The following ABCC4 variants were observed in gnomAD, a reference collection of about 807,000 sequenced individuals.
The protein encoded by ABCC4 is ATP-binding cassette sub-family C member 4.
A neutral mutation model predicts 168.5 loss-of-function variants in ABCC4; 102 were observed. That is an observed-to-expected ratio of 0.61 (90% CI 0.52 to 0.71). ABCC4 has a LOEUF of 0.71. ABCC4 is among the 30% of genes least tolerant of loss of function. The pLI is 0.00. For missense variants in ABCC4, 1,402 were observed against 1,605.8 expected, an observed-to-expected ratio of 0.87 and a Z score of 2.17; for synonymous variants, 617 against 590.7, an observed-to-expected ratio of 1.04 and a Z score of -0.65.
At chr13:95,272,804 C>G (rs1261492178) in intron 1 of ABCC4, among the ~76,000 whole-genome samples, 1 of 152,174 alleles carries the variant, frequency 6.6e-6, no homozygotes, top group Non-Finnish European at 1.5e-5. Context: ...AGGGGAATCG[C>G]TTGAACCCGG....
chr13:95,185,149 A>C lies in ABCC4; in HGVS notation c.1545+1552T>G, dbSNP rs118122191. On this transcript the variant is annotated intron_variant, in intron 11 of 30. Coordinates refer to ENST00000645237, the MANE Select transcript of ABCC4 (RefSeq NM_005845.5). Reference sequence around the variant, plus strand: ...AAGCGAGGCTAGCAATATCAGAAAAATAAACAAAATGAGGATAGCAATAGC... The same window carrying C: ...AAGCGAGGCTAGCAATATCAGAAAACTAAACAAAATGAGGATAGCAATAGC... Among the ~76,000 whole-genome samples, 544 of 152,352 alleles carry C rather than the reference A, an allele frequency of 3.6e-3. 1 individual carries two copies. The highest frequency in any genetic ancestry group is 5.8e-3 in the Non-Finnish European group (392 of 68,032).
intron 1 of ABCC4, among the ~76,000 whole-genome samples, chr13:95,259,755 T>C (rs2040482813): frequency 6.6e-6 from 1 of 151,802 alleles, no homozygotes; most frequent in Non-Finnish European, 1.5e-5. Flanking sequence ...TATAAACCCA[T>C]TAGTAAATCC....
At chr13:95,106,015 C>T (rs528695684) in intron 20 of ABCC4, among the ~76,000 whole-genome samples, 5 of 152,270 alleles carry the variant, frequency 3.3e-5, no homozygotes, top group Non-Finnish European at 4.4e-5. Flanking sequence ...CTGGGAATAA[C>T]GTCTCTAAAG....
At chr13:95,152,403 A>G (rs1454478386) in intron 19 of ABCC4, among the ~76,000 whole-genome samples, 1 of 152,210 alleles carries the variant, frequency 6.6e-6, no homozygotes, top group Non-Finnish European at 1.5e-5. Flanking sequence ...CTGTCCAGCC[A>G]ACAAATATTT....
At chr13:95,050,324 TGAAAAACTCACAATGC>T (rs755921151) in intron 27 of ABCC4, among the ~76,000 whole-genome samples, 50 of 152,184 alleles carry the variant, frequency 3.3e-4, no homozygotes, top group Non-Finnish European at 6.6e-4. Context: ...AAACTTGTTG[TGAAAAACTCACAATGC>T]TTCATTTGTT....
chr13:95,041,417 G>T (rs1176686073), intron 29 of ABCC4, among the ~76,000 whole-genome samples: 2 of 152,266 alleles, frequency 1.3e-5, no homozygotes, highest in East Asian at 1.9e-4. Context: ...ATATCTATCC[G>T]TCTTTGTGGA....
intron 4 of ABCC4, among the ~76,000 whole-genome samples, chr13:95,214,884 C>CAAAAAAA (rs60962674): frequency 1.1e-5 from 1 of 88,628 alleles, no homozygotes; most frequent in Admixed American, 1.3e-4. Flanking sequence ...GACTCCAATT[C>CAAAAAAA]AAAAAAAAAA....
At chr13:95,113,581 A>AG (rs1334428364) in intron 20 of ABCC4, among the ~76,000 whole-genome samples, 1 of 148,580 alleles carries the variant, frequency 6.7e-6, no homozygotes. Flanking sequence ...AAAAAAAAAA[A>AG]AAAATTACAT....
intron 26 of ABCC4, 147 bp from the exon 27 acceptor site, chr13:95,053,331 ATATC>A (rs2032919492): frequency 2.9e-6 from 2 of 691,374 alleles, no homozygotes; most frequent in South Asian, 3.7e-5. Context: ...ACAAAACAAC[ATATC>A]TATTAATGTT....
chr13:95,048,446 A>G (rs1383316632), intron 27 of ABCC4, among the ~76,000 whole-genome samples: 1 of 152,242 alleles, frequency 6.6e-6, no homozygotes. Flanking sequence ...GTTTCTTTGA[A>G]CTTTCTGACT....
At chr13:95,159,378 T>A (rs1231019873) in intron 19 of ABCC4, among the ~76,000 whole-genome samples, 1 of 151,912 alleles carries the variant, frequency 6.6e-6, no homozygotes, top group Admixed American at 6.6e-5. Context: ...GGCTTCTATT[T>A]TGTTGAAGGA....
chr13:95,208,765 C>A (rs979401759), intron 6 of ABCC4, among the ~76,000 whole-genome samples: 22 of 151,794 alleles, frequency 1.4e-4, no homozygotes, highest in African/African-American at 4.6e-4. Context: ...GGATTACAGG[C>A]GTGTACCACC....
rs2032495154 is a variant in ABCC4, at chr13:95,044,512, G to T, written c.3457-74C>A. On this transcript the variant is annotated intron_variant, in intron 27 of 30. Transcript: ENST00000645237. Reference sequence around the variant, plus strand: ...AAGTAGTCAAGCCTCATAGACATTAGAACCTTCAAGTCCCTTCTCTCGAGA... The same window carrying T: ...AAGTAGTCAAGCCTCATAGACATTATAACCTTCAAGTCCCTTCTCTCGAGA... The T allele has an allele frequency of 3.8e-6, 5 of 1,330,950 alleles. No individual in the cohort carries two copies. In the South Asian group the frequency reaches 7.8e-5, roughly 21 times the overall value. 82.4% of individuals were successfully genotyped at this position (1,330,950 alleles called of 1,614,324 possible).
intron 20 of ABCC4, among the ~76,000 whole-genome samples, chr13:95,094,494 C>G (rs553820336): frequency 6.6e-6 from 1 of 152,288 alleles, no homozygotes; most frequent in East Asian, 1.9e-4. Flanking sequence ...GGATCCTTAT[C>G]TCTGACCTTA....
intron 30 of ABCC4, among the ~76,000 whole-genome samples, chr13:95,023,782 A>G (rs1481269503): frequency 6.6e-6 from 1 of 152,232 alleles, no homozygotes; most frequent in African/African-American, 2.4e-5. Context: ...TGCATCTTTT[A>G]TCTTTACAGA....
chr13:95,026,767 T>C (rs2031566928), intron 30 of ABCC4, among the ~76,000 whole-genome samples: 1 of 152,076 alleles, frequency 6.6e-6, no homozygotes, highest in Non-Finnish European at 1.5e-5. Context: ...CATGTGCCTC[T>C]AGTTCCAGCT....
chr13:95,209,338 TA>T, intron 6 of ABCC4, 95 bp downstream of exon 6: 1 of 1,388,282 alleles, frequency 7.2e-7, no homozygotes, highest in Non-Finnish European at 9.9e-7. Flanking sequence ...GAAGAGATAA[TA>T]AAAGGCATTT....
chr13:95,092,446 T>C (rs1304354826), intron 20 of ABCC4, among the ~76,000 whole-genome samples: 3 of 152,030 alleles, frequency 2.0e-5, no homozygotes, highest in South Asian at 4.1e-4. Context: ...TGCAAATACA[T>C]GGAAATTAAA....
At chr13:95,189,187 G>A (rs2139628531) in intron 9 of ABCC4, among the ~76,000 whole-genome samples, 1 of 134,654 alleles carries the variant, frequency 7.4e-6, no homozygotes, top group Admixed American at 8.3e-5. Context: ...AGGCGGGAGT[G>A]CTGTGGCGCG....
Sources: allele counts gnomAD v4.1 joint callset (sites outside exome capture counted in the v4.1 genomes callset), GRCh38; gene constraint gnomAD v4.1.1; transcripts MANE v1.5; gene names NCBI Gene and HGNC (gene_info 2026-07-23, HGNC 2026-07-21).